Variants in BSG observed in about 807,000 individuals in gnomAD.
The protein encoded by BSG is basigin.
In BSG, 37 loss-of-function variants were observed where a neutral mutation model predicts 43.1. That is an observed-to-expected ratio of 0.86 (90% CI 0.66 to 1.13). BSG has a LOEUF of 1.13. Among genes scored for constraint, BSG ranks in the 50% most tolerant of loss-of-function variants. The pLI is 0.00. For synonymous variants in BSG, 309 were observed against 238.7 expected (o/e 1.29, Z -2.72); for missense variants, 599 against 554.2 (o/e 1.08, Z -0.81).
chr19:573,339 T>C (rs1370221192), intron 1 of BSG, among the ~76,000 whole-genome samples: 3 of 152,070 alleles, frequency 2.0e-5, no homozygotes, highest in African/African-American at 7.2e-5. Flanking sequence ...TGAGACTCTC[T>C]GGGGCCCCCG....
chr19:574,423 G>A (rs556660637), intron 1 of BSG, among the ~76,000 whole-genome samples: 1 of 152,240 alleles, frequency 6.6e-6, no homozygotes, highest in Non-Finnish European at 1.5e-5. Context: ...CGTGGTGGCG[G>A]GCGCCTGTAG....
chr19:577,952 C>T lies in BSG; in HGVS notation c.246C>T (p.His82=), dbSNP rs202212562. ...CCCGGCTGGACCGCGTCCACATCCACGCCACCTACCACCAGCACGCGGCCA... is the reference window on the plus strand; with the variant it reads ...CCCGGCTGGACCGCGTCCACATCCATGCCACCTACCACCAGCACGCGGCCA... ...DGARLDRVHI[H]ATYHQHAAST... is the part of the protein sequence containing the mutation. The change falls in exon 2 of 9, where the codon CAC becomes CAT. Residue 82 remains histidine, a synonymous_variant. Transcript: ENST00000333511. 70 of 1,611,414 alleles carry T rather than the reference C, an allele frequency of 4.3e-5. No individual in the cohort carries two copies. In the East Asian group the frequency reaches 9.8e-4, roughly 23 times the overall value.
At chr19:575,428 G>C (rs570451554) in intron 1 of BSG, 1 of 152,298 alleles carries the variant, frequency 6.6e-6, no homozygotes, top group South Asian at 2.1e-4. Flanking sequence ...CTGTGGGCTT[G>C]TCGGGGACCG....
At chr19:581,719 A>G in intron 6 of BSG, 128 bp downstream of exon 6, 1 of 1,276,896 alleles carries the variant, frequency 7.8e-7, no homozygotes, top group Non-Finnish European at 1.0e-6. Context: ...CAGGGAGTTG[A>G]TGGGACCCCG....
At chr19:577,718 C>G in intron 1 of BSG, 56 bp from the exon 2 acceptor site, 2 of 1,306,670 alleles carry the variant, frequency 1.5e-6, no homozygotes, top group Non-Finnish European at 9.8e-7. Context: ...TCCCCAGGAG[C>G]TGCCCTCCCA....
chr19:579,360 TC>T (rs1568351529), intron 2 of BSG, 139 bp from the exon 3 acceptor site: 6 of 1,193,930 alleles, frequency 5.0e-6, no homozygotes, highest in South Asian at 1.3e-5. Flanking sequence ...CCTCCGGTCC[TC>T]GGGGCGTAAG....
upstream of BSG, chr19:571,730 A>C: frequency 1.5e-6 from 1 of 685,968 alleles, no homozygotes; most frequent in Non-Finnish European, 2.7e-6. Context: ...GTGGGATGCA[A>C]TCTCCAGAGC....
intron 1 of BSG, 37 bp downstream of exon 1, chr19:572,738 A>G: frequency 7.0e-7 from 1 of 1,429,982 alleles, no homozygotes; most frequent in Non-Finnish European, 9.2e-7. Context: ...GCGGTCCTGC[A>G]GGGGCCGGGA....
chr19:573,095 G>C (rs538206288), intron 1 of BSG, among the ~76,000 whole-genome samples: 1 of 131,206 alleles, frequency 7.6e-6, no homozygotes, highest in African/African-American at 3.0e-5. Context: ...GAGGGCGTCT[G>C]CGAAGGCGGT....
At chr19:580,557 C>T (rs1221855005) in intron 4 of BSG, 89 bp from the exon 5 acceptor site, 2 of 1,603,830 alleles carry the variant, frequency 1.2e-6, no homozygotes, top group East Asian at 2.2e-5. Flanking sequence ...TGGCCCCCTG[C>T]TCCCTGGAGG....
chr19:572,791 G>A, intron 1 of BSG, 90 bp downstream of exon 1: 2 of 1,282,430 alleles, frequency 1.6e-6, no homozygotes, highest in African/African-American at 1.6e-5. Flanking sequence ...GGAGCCTGGG[G>A]CCTCGGCGCG....
chr19:578,185 G>C (rs1981954282), intron 2 of BSG, 64 bp downstream of exon 2: 2 of 1,419,466 alleles, frequency 1.4e-6, no homozygotes, highest in Admixed American at 2.4e-5. Flanking sequence ...TCGCCTCCCG[G>C]CTCCTGCTCA....
intron 1 of BSG, among the ~76,000 whole-genome samples, chr19:576,489 C>T (rs1034283535): frequency 2.6e-5 from 4 of 152,186 alleles, no homozygotes; most frequent in African/African-American, 9.7e-5. Context: ...CAGCCAGGCG[C>T]GGTGGCTCAC....
chr19:573,064 G>T (rs960333692), intron 1 of BSG, among the ~76,000 whole-genome samples: 10 of 151,844 alleles, frequency 6.6e-5, no homozygotes, highest in Admixed American at 2.6e-4. Flanking sequence ...CCTGGGGTTG[G>T]GGGTGACCTG....
upstream of BSG, chr19:571,494 G>A (rs1050533308): frequency 1.3e-6 from 1 of 778,428 alleles, no homozygotes; most frequent in African/African-American, 1.7e-5. Flanking sequence ...TGAGAGTCTG[G>A]GTTTACGCGT....
intron 1 of BSG, 91 bp from the exon 2 acceptor site, chr19:577,676 AGCCCTGG>A: frequency 9.5e-7 from 1 of 1,051,570 alleles, no homozygotes; most frequent in Non-Finnish European, 1.3e-6. Flanking sequence ...CTTCTCCACC[AGCCCTGG>A]CTGGGAGTCC....
chr19:579,316 C>T (rs768612404), intron 2 of BSG, 184 bp from the exon 3 acceptor site: 6 of 833,828 alleles, frequency 7.2e-6, no homozygotes, highest in Admixed American at 6.1e-5. Flanking sequence ...GGGCTCTTCC[C>T]TTCCCGGAGG....
upstream of BSG, among the ~76,000 whole-genome samples, chr19:571,931 T>G (rs1293949636): frequency 6.6e-6 from 1 of 152,132 alleles, no homozygotes. Flanking sequence ...GAAGTTGAGT[T>G]TCTGAAGAGG....
chr19:572,294 G>A (rs774465404), upstream of BSG: 2 of 740,502 alleles, frequency 2.7e-6, no homozygotes, highest in Non-Finnish European at 3.3e-6. Flanking sequence ...CAACCCCCTC[G>A]GGCGCACCGC....
Sources: allele counts gnomAD v4.1 joint callset (sites outside exome capture counted in the v4.1 genomes callset), GRCh38; gene constraint gnomAD v4.1.1; transcripts MANE v1.5; gene names NCBI Gene and HGNC (gene_info 2026-07-23, HGNC 2026-07-21).